Variants in SCN11A observed in about 807,000 individuals in gnomAD.
SCN11A encodes sodium channel protein type 11 subunit alpha.
A neutral mutation model predicts 162.2 loss-of-function variants in SCN11A; 122 were observed. That is an observed-to-expected ratio of 0.75 (90% CI 0.65 to 0.87). The LOEUF is 0.87. Ranked by LOEUF, SCN11A falls within the 40% of genes least tolerant of loss-of-function variation. SCN11A has a pLI of 0.00. For synonymous variants in SCN11A, 758 were observed against 751.5 expected, an observed-to-expected ratio of 1.01 and a Z score of -0.14; for missense variants, 2,015 against 2,181.6, an observed-to-expected ratio of 0.92 and a Z score of 1.52.
chr3:38,868,464 T>C (rs1313699826), intron 26 of SCN11A, among the ~76,000 whole-genome samples: 1 of 152,266 alleles, frequency 6.6e-6, no homozygotes, highest in East Asian at 1.9e-4. Flanking sequence ...AGTGGGCTAA[T>C]AGTCTTGCAT....
At position 38,907,975 on chromosome 3, in the gene SCN11A, C is replaced by T. The variant is rs375765620; in HGVS notation, c.1447G>A (p.Asp483Asn). Residue 483 changes from aspartate to asparagine, a missense_variant, in exon 14 of 30, where the codon GAT becomes AAT. Transcript: ENST00000302328. ...TTTTTTTGGCAATCTTCATCAGAAT[C>T]TGACCCAGGAGGCTGGTCTTTCCCA... ...ESGKDQPPGS[D>N]SDEDCQKKPQ... is the part of the protein sequence containing the mutation. 1.2e-6 allele frequency: 2 copies of T among 1,606,952 alleles called. No homozygotes were observed. Among genetic ancestry groups the T allele is most frequent in the African/African-American group, 2.7e-5 (2 of 74,406 alleles).
rs199964307 is a variant in SCN11A at position 38,846,657 on chromosome 3, G to T, written c.*37C>A. On this transcript the variant is annotated 3_prime_UTR_variant, in exon 30 of 30. Transcript: ENST00000302328. ...CCTGGAGCTCAGAGGCTGAAGGCAA[G>T]GCTGTGAAGCTATGAGGTAGGCGTG... 186 of 1,559,710 alleles carry T rather than the reference G, an allele frequency of 1.2e-4. No individual in the cohort carries two copies. The African/African-American group carries it at 2.4e-3, about 20-fold the overall frequency.
Position 38,877,031 on chromosome 3 carries a change from G to GGT in SCN11A, c.3393+2917_3393+2918dup, listed in dbSNP as rs1286697087. ...AAAGAGACATATGGTGTATATATAT[G>GGT]GTATATATATGGTGTATATACTATA... On this transcript the variant is annotated intron_variant, in intron 23 of 29. Transcript: ENST00000302328. Among the ~76,000 whole-genome samples, 18 of 37,472 alleles carry GGT rather than the reference G, an allele frequency of 4.8e-4. 1 individual carries two copies. The highest frequency in any genetic ancestry group is 1.9e-3 in the African/African-American group (18 of 9,512). The allele number at this position is 37,472 out of a possible 152,430, so 24.6% of individuals were successfully genotyped here. A position where few individuals can be genotyped will look rare whatever the true frequency, so the allele number is the denominator to read the frequency against.
intron 19 of SCN11A, among the ~76,000 whole-genome samples, chr3:38,893,693 C>T (rs998168654): frequency 3.3e-5 from 5 of 151,102 alleles, no homozygotes; most frequent in Non-Finnish European, 5.9e-5. Context: ...GAGTGAAATT[C>T]GAAATTAATA....
chr3:39,037,655 A>G (rs892557269), intron 1 of SCN11A, among the ~76,000 whole-genome samples: 2 of 152,176 alleles, frequency 1.3e-5, no homozygotes, highest in African/African-American at 4.8e-5. Context: ...ATTAAACTGT[A>G]CAGGAGGATG....
chr3:38,850,956 C>T (rs193101342), intron 28 of SCN11A, among the ~76,000 whole-genome samples: 25 of 152,264 alleles, frequency 1.6e-4, no homozygotes, highest in Admixed American at 1.2e-3. Context: ...TAATTAGTAA[C>T]TGGTTTTAAG....
intron 2 of SCN11A, among the ~76,000 whole-genome samples, chr3:38,964,162 C>T (rs924056395): frequency 1.3e-5 from 2 of 152,192 alleles, no homozygotes; most frequent in South Asian, 2.1e-4. Context: ...ACAACAGACA[C>T]GTTCAGAGGC....
intron 2 of SCN11A, among the ~76,000 whole-genome samples, chr3:38,988,918 A>C (rs1258519681): frequency 1.3e-5 from 2 of 152,166 alleles, no homozygotes; most frequent in African/African-American, 4.8e-5. Context: ...AAGGACATAA[A>C]GGAAAAAGGC....
intron 2 of SCN11A, among the ~76,000 whole-genome samples, chr3:38,968,300 C>T (rs570532917): frequency 6.6e-6 from 1 of 152,212 alleles, no homozygotes; most frequent in South Asian, 2.1e-4. Context: ...AGGGAAGGGA[C>T]TGAGTGGCCC....
chr3:39,038,355 T>C (rs1003874540), intron 1 of SCN11A, among the ~76,000 whole-genome samples: 23 of 152,174 alleles, frequency 1.5e-4, no homozygotes, highest in African/African-American at 5.3e-4. Flanking sequence ...TCATTTTCTA[T>C]AGTGGGAGTA....
rs2065118722 is a variant in SCN11A, at chr3:38,871,099, G to A, written c.3759+346C>T. Among the ~76,000 whole-genome samples the A allele has an allele frequency of 3.9e-5, 6 of 152,160 alleles. 1 individual carries two copies. The South Asian group carries it at 1.2e-3, about 32-fold the overall frequency. ...TATTTGCACTGCCTGTTCAAGACCT[G>A]GCAACTGTGCTTTAAACAGGGAACT... is the stretch of plus-strand genomic sequence containing the variant. On this transcript the variant is annotated intron_variant, in intron 25 of 29. Coordinates refer to ENST00000302328, the MANE Select transcript of SCN11A (RefSeq NM_001349253.2).
intron 5 of SCN11A, 151 bp from the exon 6 acceptor site, chr3:38,947,058 A>C: frequency 3.4e-6 from 2 of 592,850 alleles, no homozygotes. Context: ...GGGATACTCC[A>C]GAAGAATCAG....
At chr3:39,048,388 T>G (rs558517145) in intron 1 of SCN11A, among the ~76,000 whole-genome samples, 8 of 152,106 alleles carry the variant, frequency 5.3e-5, no homozygotes, top group East Asian at 1.9e-4. Flanking sequence ...GGATTATATA[T>G]AGAGAGGTTG....
chr3:38,931,157 G>A (rs1294956604), intron 7 of SCN11A, among the ~76,000 whole-genome samples: 1 of 152,132 alleles, frequency 6.6e-6, no homozygotes, highest in East Asian at 1.9e-4. Flanking sequence ...ATCTCCAAAG[G>A]GGAGACCACA....
intron 28 of SCN11A, 24 bp from the exon 29 acceptor site, chr3:38,850,775 A>T: frequency 6.5e-7 from 1 of 1,536,298 alleles, no homozygotes; most frequent in Non-Finnish European, 8.8e-7. Context: ...GAAATTATAA[A>T]TCATTTTGAA....
At position 38,964,753 on chromosome 3, in the gene SCN11A, T is replaced by C. The variant is rs555333556; in HGVS notation, c.-279-4330A>G. 2.6e-5 allele frequency among the ~76,000 whole-genome samples: 4 copies of C among 152,326 alleles called. No individual in the cohort carries two copies. The South Asian group carries it at 6.2e-4, about 24-fold the overall frequency. ...TGTGGTATTGCCAAAAGGAGGAGCATGGAAGAAGAGGAGGCAAAGTTGAAG... is the reference window on the plus strand; with the variant it reads ...TGTGGTATTGCCAAAAGGAGGAGCACGGAAGAAGAGGAGGCAAAGTTGAAG... On this transcript the variant is annotated intron_variant, in intron 2 of 29. Coordinates refer to ENST00000302328, the MANE Select transcript of SCN11A (RefSeq NM_001349253.2).
chr3:39,002,991 G>A (rs539439805), intron 2 of SCN11A, among the ~76,000 whole-genome samples: 3 of 152,066 alleles, frequency 2.0e-5, no homozygotes, highest in Non-Finnish European at 4.4e-5. Flanking sequence ...CAACTAGTAG[G>A]GAGTAAACTT....
chr3:38,917,695 A>C (rs565022061), intron 11 of SCN11A, among the ~76,000 whole-genome samples: 19 of 152,340 alleles, frequency 1.2e-4, no homozygotes, highest in Admixed American at 2.0e-4. Context: ...GAAGAGAATC[A>C]GGAAAAATAA....
At chr3:38,907,355 T>TAC (rs754872568) in intron 14 of SCN11A, among the ~76,000 whole-genome samples, 89 of 24,886 alleles carry the variant, frequency 3.6e-3, no homozygotes, top group East Asian at 0.01. Context: ...TATATCTATA[T>TAC]ATACACACAC....
Sources: allele counts gnomAD v4.1 joint callset (sites outside exome capture counted in the v4.1 genomes callset), GRCh38; gene constraint gnomAD v4.1.1; transcripts MANE v1.5; gene names NCBI Gene and HGNC (gene_info 2026-07-23, HGNC 2026-07-21).